The following NBEA variants were observed in gnomAD, a reference collection of about 807,000 sequenced individuals.
NBEA encodes the protein lysosomal-trafficking regulator 2.
Under a neutral mutation model 343.4 loss-of-function variants are expected in NBEA, and 44 were observed. The ratio of observed to expected loss-of-function variants is 0.13; its 90% CI spans 0.10 to 0.16. The LOEUF (loss-of-function observed/expected upper bound fraction) is 0.16. Ranked by LOEUF, NBEA falls within the 10% of genes least tolerant of loss-of-function variation. The probability of loss-of-function intolerance (pLI) is 1.00; values close to 1 mark genes in which losing one functional copy is unlikely to be tolerated. For synonymous variants in NBEA, 1,175 were observed against 1,238.7 expected, an observed-to-expected ratio of 0.95 and a Z score of 1.08; for missense variants, 2,555 against 3,631.3, an observed-to-expected ratio of 0.70 and a Z score of 7.62.
rs763660873 is a variant in NBEA at position 35,603,461 on chromosome 13, CAG to C, written c.7297-2964_7297-2963del. Among the ~76,000 whole-genome samples the C allele has an allele frequency of 1.3e-4, 20 of 152,196 alleles. No individual in the cohort carries two copies. The East Asian group carries it at 3.9e-3, about 29-fold the overall frequency. ...TTTGTGAATCTAATTTAATGACTTT[CAG>C]TGAAATTGCATTGTAGTGGTAAGTA... is the stretch of plus-strand genomic sequence containing the variant. On this transcript the variant is annotated intron_variant, in intron 47 of 58. Transcript: ENST00000379939.
At chr13:35,076,902 G>A (rs144185342) in intron 10 of NBEA, among the ~76,000 whole-genome samples, 32 of 151,870 alleles carry the variant, frequency 2.1e-4, no homozygotes, top group East Asian at 9.7e-4. Flanking sequence ...TATGACAGTC[G>A]TGCAGGTATA....
chr13:35,145,206 A>G (rs1260767846), intron 18 of NBEA, among the ~76,000 whole-genome samples: 2 of 152,344 alleles, frequency 1.3e-5, no homozygotes, highest in African/African-American at 2.4e-5. Flanking sequence ...AGCTTCATAC[A>G]GTAGCTTAGC....
intron 49 of NBEA, among the ~76,000 whole-genome samples, chr13:35,645,632 A>T (rs188978724): frequency 1.4e-4 from 22 of 152,280 alleles, no homozygotes; most frequent in Non-Finnish European, 2.9e-4. Context: ...TTCAGGGAAA[A>T]TTTTTGAGAA....
rs2059061431 is a variant in NBEA, at chr13:34,942,578, C to T, written c.-243C>T. Reference sequence around the variant, plus strand: ...CCTGCTGGGCGGGCACAGCCGCTTGCCCGGCAGCGGTTAGCGGTACCGCCA... The same window carrying T: ...CCTGCTGGGCGGGCACAGCCGCTTGTCCGGCAGCGGTTAGCGGTACCGCCA... On this transcript the variant is annotated 5_prime_UTR_variant, in exon 1 of 59. Transcript: ENST00000379939. 1 of 246,978 alleles carries T rather than the reference C, an allele frequency of 4.0e-6. No individual in the cohort carries two copies. The highest frequency in any genetic ancestry group is 7.6e-6 in the Non-Finnish European group (1 of 131,084). 15.3% of individuals were successfully genotyped at this position (246,978 alleles called of 1,614,324 possible).
chr13:35,475,579 C>G (rs2075829794), intron 41 of NBEA: 1 of 1,613,464 alleles, frequency 6.2e-7, no homozygotes, highest in Non-Finnish European at 8.5e-7. Context: ...GGGAAGTGGC[C>G]AGTGGGCAGC....
Position 35,099,279 on chromosome 13 carries a change from A to C in NBEA, c.1680+874A>C, listed in dbSNP as rs113963350. Among the ~76,000 whole-genome samples the C allele has an allele frequency of 6.7e-3, 999 of 148,088 alleles. 11 individuals are homozygous for C. Among genetic ancestry groups the C allele is most frequent in the African/African-American group, 0.024 (962 of 40,044 alleles). On this transcript the variant is annotated intron_variant, in intron 11 of 58. Transcript: ENST00000379939. ...ACTGGCTCAATCTCGGCTCACTGCA[A>C]GCTCCGCCTCCCAGGTTCACGCCAT...
intron 49 of NBEA, among the ~76,000 whole-genome samples, chr13:35,631,749 CA>C (rs1278921892): frequency 1.3e-5 from 2 of 151,030 alleles, no homozygotes; most frequent in African/African-American, 4.9e-5. Context: ...TCTTTCTTGA[CA>C]GGTGAAATCA....
At chr13:35,268,672 T>C (rs867281756) in intron 34 of NBEA, among the ~76,000 whole-genome samples, 63 of 152,108 alleles carry the variant, frequency 4.1e-4, no homozygotes, top group Admixed American at 3.9e-3. Context: ...TAATCTTGCC[T>C]CTGAACATTA....
chr13:35,096,708 C>T (rs527844968), intron 10 of NBEA, among the ~76,000 whole-genome samples: 3 of 151,804 alleles, frequency 2.0e-5, no homozygotes, highest in Admixed American at 2.0e-4. Flanking sequence ...TAATCTCTAC[C>T]CATAGTTTTC....
At chr13:34,947,807 A>C (rs1478547388) in intron 1 of NBEA, among the ~76,000 whole-genome samples, 1 of 152,182 alleles carries the variant, frequency 6.6e-6, no homozygotes, top group Admixed American at 6.5e-5. Flanking sequence ...CAGACTTAGG[A>C]TCCTGAAATA....
At chr13:34,977,602 C>T (rs1262694147) in intron 1 of NBEA, among the ~76,000 whole-genome samples, 3 of 152,166 alleles carry the variant, frequency 2.0e-5, no homozygotes, top group Non-Finnish European at 4.4e-5. Context: ...AGCCACCACG[C>T]TTGGCTGGAT....
intron 31 of NBEA, among the ~76,000 whole-genome samples, chr13:35,205,074 T>C (rs1242286118): frequency 6.6e-6 from 1 of 152,174 alleles, no homozygotes; most frequent in Non-Finnish European, 1.5e-5. Context: ...ACTTTCAAAT[T>C]AATTGTAAGA....
intron 33 of NBEA, among the ~76,000 whole-genome samples, chr13:35,217,814 T>C (rs2074148186): frequency 6.6e-6 from 1 of 152,102 alleles, no homozygotes; most frequent in Non-Finnish European, 1.5e-5. Flanking sequence ...CACTATGCAC[T>C]CTCAGTGATG....
chr13:35,651,905 A>T (rs769829193), intron 53 of NBEA, 29 bp downstream of exon 53: 1 of 1,209,082 alleles, frequency 8.3e-7, no homozygotes, highest in South Asian at 1.3e-5. Context: ...ATAAATTTTC[A>T]TGGATACTAT....
intron 38 of NBEA, among the ~76,000 whole-genome samples, chr13:35,366,911 A>T (rs1355412562): frequency 6.6e-6 from 1 of 151,426 alleles, no homozygotes; most frequent in African/African-American, 2.4e-5. Context: ...CATTGCTTAC[A>T]TAATAGATCT....
At chr13:35,504,947 T>A (rs2077020772) in intron 41 of NBEA, among the ~76,000 whole-genome samples, 1 of 152,152 alleles carries the variant, frequency 6.6e-6, no homozygotes, top group Admixed American at 6.6e-5. Context: ...ATGTTGCTTA[T>A]TTTTTGGTAT....
chr13:35,651,906 T>A (rs2084540602), intron 53 of NBEA, 30 bp downstream of exon 53: 1 of 1,209,830 alleles, frequency 8.3e-7, no homozygotes, highest in Non-Finnish European at 1.2e-6. Context: ...TAAATTTTCA[T>A]GGATACTATC....
chr13:35,266,375 A>T (rs1312621917), intron 34 of NBEA, among the ~76,000 whole-genome samples: 2 of 151,802 alleles, frequency 1.3e-5, no homozygotes, highest in African/African-American at 4.8e-5. Flanking sequence ...TGTCAAAGAG[A>T]TATCTACACT....
chr13:35,437,734 T>C (rs1174130586), intron 39 of NBEA, among the ~76,000 whole-genome samples: 5 of 152,188 alleles, frequency 3.3e-5, no homozygotes, highest in Non-Finnish European at 4.4e-5. Flanking sequence ...AAGGAAAATA[T>C]TTTAAAACTC....
Sources: gnomAD v4.1 joint callset for allele counts (sites outside exome capture counted in the v4.1 genomes callset) on GRCh38, gnomAD v4.1.1 for gene constraint, MANE v1.5 for transcripts, NCBI Gene and HGNC (gene_info 2026-07-23, HGNC 2026-07-21) for gene names.